The following ZNF44 variants were observed in gnomAD, a reference collection of about 807,000 sequenced individuals.
The protein encoded by ZNF44 is zinc finger protein 44.
ZNF44 carries 9 observed loss-of-function variants against 11.7 expected under a neutral mutation model. The observed-to-expected ratio is 0.77, with a 90% CI of 0.46 to 1.35. ZNF44 has a LOEUF of 1.35. Ranked by LOEUF, ZNF44 falls within the 40% of genes most tolerant of loss-of-function variation. ZNF44 has a pLI of 0.00. For synonymous variants in ZNF44, 224 were observed against 242.7 expected, an observed-to-expected ratio of 0.92 and a Z score of 0.72; for missense variants, 696 against 743.1, an observed-to-expected ratio of 0.94 and a Z score of 0.74.
At chr19:12,260,229 A>C in intron 5 of ZNF44, 1 of 792,284 alleles carries the variant, frequency 1.3e-6, no homozygotes, top group Non-Finnish European at 2.3e-6. Flanking sequence ...TGAAGGCCCC[A>C]GCTCCTTCCG....
rs1056805473 is a variant in ZNF44 at position 12,293,150 on chromosome 19, G to A, written c.3+1542C>T. On this transcript the variant is annotated intron_variant, in intron 1 of 3. Transcript: ENST00000355684. Reference sequence around the variant, plus strand: ...TTCCCAAAGTGCTGGGATTACAGGCGTGAGCCACCGCGCCCAGCCCAGGGG... The same window carrying A: ...TTCCCAAAGTGCTGGGATTACAGGCATGAGCCACCGCGCCCAGCCCAGGGG... The A allele has an allele frequency of 1.1e-4, 157 of 1,457,260 alleles. 1 individual carries two copies. Among genetic ancestry groups the A allele is most frequent in the Non-Finnish European group, 1.4e-4 (154 of 1,095,884 alleles). The allele number at this position is 1,457,260 out of a possible 1,614,324, so 90.3% of individuals were successfully genotyped here. A position where few individuals can be genotyped will look rare whatever the true frequency, so the allele number is the denominator to read the frequency against.
chr19:12,249,951 C>G, intron 7 of ZNF44: 1 of 1,258,256 alleles, frequency 7.9e-7, no homozygotes, highest in Non-Finnish European at 1.0e-6. Flanking sequence ...TCCTAGAATA[C>G]TGCTTTCTTT....
chr19:12,264,169 G>A (rs887672752), intron 5 of ZNF44, among the ~76,000 whole-genome samples: 11 of 152,234 alleles, frequency 7.2e-5, no homozygotes, highest in African/African-American at 2.4e-4. Context: ...GAAGTATCAC[G>A]CTGTTCCCCT....
At chr19:12,233,337 G>T (rs971376473) in intron 2 of ZNF44, among the ~76,000 whole-genome samples, 1 of 152,170 alleles carries the variant, frequency 6.6e-6, no homozygotes, top group African/African-American at 2.4e-5. Flanking sequence ...AAGCCCTTCA[G>T]ATTGTTTCTA....
At chr19:12,284,320 C>T in intron 1 of ZNF44, 6 of 497,288 alleles carry the variant, frequency 1.2e-5, no homozygotes, top group Non-Finnish European at 2.2e-5. Flanking sequence ...ATAGCTTCTT[C>T]TCCAAGAAAA....
intron 5 of ZNF44, among the ~76,000 whole-genome samples, chr19:12,263,276 G>A (rs1014366316): frequency 6.6e-6 from 1 of 151,804 alleles, no homozygotes; most frequent in Admixed American, 6.6e-5. Flanking sequence ...AGTAGAGACG[G>A]GGTTTCTCCA....
At chr19:12,282,106 T>A (rs1331202342) in intron 1 of ZNF44, among the ~76,000 whole-genome samples, 1 of 152,202 alleles carries the variant, frequency 6.6e-6, no homozygotes, top group Non-Finnish European at 1.5e-5. Flanking sequence ...ACATAAGGGT[T>A]AGACTGCCAT....
chr19:12,258,160 CAAAAAA>C (rs770370872), intron 5 of ZNF44, among the ~76,000 whole-genome samples: 51 of 55,900 alleles, frequency 9.1e-4, no homozygotes, highest in East Asian at 2.5e-3. Context: ...CTCATCTCTA[CAAAAAA>C]AAAAAAAAAA....
intron 1 of ZNF44, among the ~76,000 whole-genome samples, chr19:12,281,949 G>C (rs541314261): frequency 5.6e-4 from 85 of 152,292 alleles, no homozygotes; most frequent in African/African-American, 2.0e-3. Context: ...TCTGGCAAGC[G>C]TTTATGGAAG....
Position 12,273,422 on chromosome 19 carries a change from T to C in ZNF44, c.833A>G (p.Glu278Gly). The part of the protein sequence containing the change: ...YLRHERTHTG[E>G]KPYKCKQCGK... ...ACATTGTTTACATTTGTAGGGTTTC[T>C]CTCCAGTGTGAGTTCTTTCATGTCT... The change falls in exon 4 of 4, where the codon GAG becomes GGG. Residue 278 changes from glutamate to glycine, a missense_variant. By Grantham distance (98) the Glu-to-Gly change is moderately conservative. Coordinates refer to ENST00000355684, the MANE Select transcript of ZNF44 (RefSeq NM_016264.4). The C allele has an allele frequency of 6.2e-7, 1 of 1,614,188 alleles. No individual in the cohort carries two copies. Among genetic ancestry groups the C allele is most frequent in the Non-Finnish European group, 8.5e-7 (1 of 1,180,036 alleles).
At chr19:12,239,587 T>TC (rs1222965883), upstream of ZNF44, among the ~76,000 whole-genome samples, 38 of 141,372 alleles carry the variant, frequency 2.7e-4, no homozygotes, top group Non-Finnish European at 4.8e-4. Flanking sequence ...TTTTTTTTTT[T>TC]TTTTTTGAGA....
chr19:12,250,119 C>T, intron 6 of ZNF44: 1 of 1,242,300 alleles, frequency 8.0e-7, no homozygotes, highest in Non-Finnish European at 1.0e-6. Flanking sequence ...CCATATGTGA[C>T]CATGCCTGAT....
rs968821953 is a variant in ZNF44 at position 12,272,689 on chromosome 19, A to G, written c.1566T>C (p.His522=). Reference sequence around the variant, plus strand: ...GCTTCTCTGCCGTGTGAGTCCTTTCATGAGTTTTTAAGTAACTGAAACGAC... The same window carrying G: ...GCTTCTCTGCCGTGTGAGTCCTTTCGTGAGTTTTTAAGTAACTGAAACGAC... ...AFSRFSYLKT[H]ERTHTAEKPY... is the part of the protein sequence containing the mutation. The change falls in exon 4 of 4, where the codon CAT becomes CAC. Residue 522 remains histidine (H), a synonymous_variant. Coordinates refer to ENST00000355684, the MANE Select transcript of ZNF44 (RefSeq NM_016264.4). 2 of 1,613,730 alleles carry G rather than the reference A, an allele frequency of 1.2e-6. No homozygotes were observed. The highest frequency in any genetic ancestry group is 1.7e-5 in the Admixed American group (1 of 59,990).
At position 12,272,289 on chromosome 19, in the gene ZNF44, C is replaced by T. The variant is rs1302024961; in HGVS notation, c.*118G>A. ...AAGTGCTGGGATTACAGGTGTGAGC[C>T]GCTGCGCCCAGCCTGGAAACTTCTT... is the stretch of plus-strand genomic sequence containing the variant. On this transcript the variant is annotated 3_prime_UTR_variant, in exon 4 of 4. Transcript: ENST00000355684. 3.4e-5 allele frequency: 47 copies of T among 1,375,196 alleles called. No homozygotes were observed. The highest frequency in any genetic ancestry group is 6.6e-5 in the Admixed American group (2 of 30,126). The allele number at this position is 1,375,196 out of a possible 1,614,324, so 85.2% of individuals were successfully genotyped here. A position where few individuals can be genotyped will look rare whatever the true frequency, so the allele number is the denominator to read the frequency against.
downstream of ZNF44, among the ~76,000 whole-genome samples, chr19:12,271,616 C>A (rs1869700043): frequency 1.3e-5 from 2 of 152,174 alleles, no homozygotes; most frequent in Non-Finnish European, 2.9e-5. Context: ...GAGAGAAGAA[C>A]CAGAATTGTG....
chr19:12,245,238 A>C (rs1323371826), downstream of ZNF44, among the ~76,000 whole-genome samples: 1 of 152,260 alleles, frequency 6.6e-6, no homozygotes, highest in Non-Finnish European at 1.5e-5. Flanking sequence ...CAAAATTACA[A>C]AGTTGACCTG....
chr19:12,233,550 CAAAAAAA>C (rs58060175), intron 2 of ZNF44, among the ~76,000 whole-genome samples: 1 of 80,852 alleles, frequency 1.2e-5, no homozygotes, highest in Non-Finnish European at 2.6e-5. Context: ...ACCCATACAT[CAAAAAAA>C]AAAAAAAAAA....
chr19:12,290,476 G>T (rs955732057), intron 1 of ZNF44, among the ~76,000 whole-genome samples: 6 of 150,676 alleles, frequency 4.0e-5, no homozygotes, highest in Non-Finnish European at 5.9e-5. Flanking sequence ...GCCAAGGCCG[G>T]TGGATCACAA....
At chr19:12,266,286 C>G (rs1917723903) in intron 5 of ZNF44, 8 of 985,294 alleles carry the variant, frequency 8.1e-6, no homozygotes, top group Non-Finnish European at 9.6e-6. Context: ...ATTTCCTGGA[C>G]TCCAGGGTGT....
Sources: gnomAD v4.1 joint callset for allele counts (sites outside exome capture counted in the v4.1 genomes callset) on GRCh38, gnomAD v4.1.1 for gene constraint, MANE v1.5 for transcripts, NCBI Gene and HGNC (gene_info 2026-07-23, HGNC 2026-07-21) for gene names.